The following RBFOX1 variants were observed in gnomAD, a reference collection of about 807,000 sequenced individuals.
RBFOX1 encodes RNA binding protein fox-1 homolog 1.
In RBFOX1, 8 loss-of-function variants were observed where a neutral mutation model predicts 57.7. That is an observed-to-expected ratio of 0.14 (90% CI 0.08 to 0.25). The LOEUF (loss-of-function observed/expected upper bound fraction) is 0.25, where lower values mean the gene tolerates loss of function less well. Among genes scored for constraint, RBFOX1 ranks in the 10% least tolerant of loss-of-function variants. The probability of loss-of-function intolerance (pLI) is 1.00; values close to 1 mark genes in which losing one functional copy is unlikely to be tolerated. For synonymous variants in RBFOX1, 326 were observed against 222.4 expected, an observed-to-expected ratio of 1.47 and a Z score of -4.15; for missense variants, 611 against 548.5, an observed-to-expected ratio of 1.11 and a Z score of -1.14.
At chr16:6,567,533 A>G (rs1267003653) in intron 2 of RBFOX1, among the ~76,000 whole-genome samples, 5 of 152,042 alleles carry the variant, frequency 3.3e-5, no homozygotes, top group East Asian at 1.9e-4. Context: ...TGTCACCTTC[A>G]TAGCACTTAT....
chr16:5,574,497 C>G lies in RBFOX1; in HGVS notation c.259-24405C>G, dbSNP rs112178282. 4.0e-5 allele frequency among the ~76,000 whole-genome samples: 6 copies of G among 151,776 alleles called. No individual in the cohort carries two copies. In the South Asian group the frequency reaches 1.3e-3, roughly 32 times the overall value. On this transcript the variant is annotated intron_variant, in intron 2 of 2. Coordinates refer to the RBFOX1 transcript ENST00000585867. ...GTGGCACAATCTTGGCTCACTGCAA[C>G]CTCCACCTCCCGGGTTCAAGTGATT... is the stretch of plus-strand genomic sequence containing the variant.
At chr16:7,167,031 G>C (rs1022774392) in intron 4 of RBFOX1, among the ~76,000 whole-genome samples, 1 of 108,888 alleles carries the variant, frequency 9.2e-6, no homozygotes, top group Non-Finnish European at 1.7e-5. Flanking sequence ...TGTCGCCCAG[G>C]TTGGAGTGCA....
chr16:6,560,532 G>C (rs1002116765), intron 2 of RBFOX1, among the ~76,000 whole-genome samples: 1 of 152,182 alleles, frequency 6.6e-6, no homozygotes, highest in Admixed American at 6.5e-5. Context: ...AGAAGGGCCA[G>C]AGGGAGTGGA....
At chr16:5,856,276 C>A (rs1401757918) in intron 3 of RBFOX1, among the ~76,000 whole-genome samples, 1 of 27,668 alleles carries the variant, frequency 3.6e-5, no homozygotes. Context: ...TATATATACA[C>A]ATATATATAC....
chr16:6,607,239 A>G (rs1432488108), intron 2 of RBFOX1, among the ~76,000 whole-genome samples: 1 of 152,286 alleles, frequency 6.6e-6, no homozygotes, highest in South Asian at 2.1e-4. Flanking sequence ...TGTGCTTTGA[A>G]CCATCTTGGA....
chr16:6,913,944 A>G (rs1195506378), intron 3 of RBFOX1, among the ~76,000 whole-genome samples: 1 of 152,196 alleles, frequency 6.6e-6, no homozygotes. Flanking sequence ...GAAGGATATT[A>G]TAATTATGGA....
At chr16:7,159,113 C>T (rs1601415867) in intron 4 of RBFOX1, among the ~76,000 whole-genome samples, 5 of 152,170 alleles carry the variant, frequency 3.3e-5, no homozygotes, top group African/African-American at 1.2e-4. Context: ...TGGTATCATA[C>T]AGGATGTAAC....
At chr16:6,875,119 C>T (rs970353015) in intron 3 of RBFOX1, among the ~76,000 whole-genome samples, 3 of 152,102 alleles carry the variant, frequency 2.0e-5, no homozygotes, top group Admixed American at 6.6e-5. Flanking sequence ...GACTGTGTTA[C>T]CCTAAGTTGC....
rs544431893 is a variant in RBFOX1 at position 6,302,028 on chromosome 16, T to A, written c.-126-14967T>A. Reference sequence around the variant, plus strand: ...ACTGCAGGTTTTCAGTTCTTACCACTATATGTTACTGTCCGTCATGACAAG... The same window carrying A: ...ACTGCAGGTTTTCAGTTCTTACCACAATATGTTACTGTCCGTCATGACAAG... On this transcript the variant is annotated intron_variant, in intron 1 of 15. Transcript: ENST00000550418. Among the ~76,000 whole-genome samples, 10 of 152,276 alleles carry A rather than the reference T, an allele frequency of 6.6e-5. No individual in the cohort carries two copies. The East Asian group carries it at 1.4e-3, about 21-fold the overall frequency.
intron 3 of RBFOX1, among the ~76,000 whole-genome samples, chr16:5,676,838 G>A (rs2050183019): frequency 6.6e-6 from 1 of 151,776 alleles, no homozygotes; most frequent in Non-Finnish European, 1.5e-5. Flanking sequence ...TTCCAGCCTG[G>A]GCAACAGAGC....
At chr16:7,368,197 G>T (rs2097497932) in intron 4 of RBFOX1, among the ~76,000 whole-genome samples, 1 of 150,662 alleles carries the variant, frequency 6.6e-6, no homozygotes. Flanking sequence ...AACCCGGGAG[G>T]TGGAGGTTGC....
At chr16:6,575,233 T>C (rs138774791) in intron 2 of RBFOX1, among the ~76,000 whole-genome samples, 2 of 152,172 alleles carry the variant, frequency 1.3e-5, no homozygotes, top group Non-Finnish European at 1.5e-5. Flanking sequence ...ATAACTCTGA[T>C]AAAGATAATT....
At chr16:5,516,730 C>G (rs939870980) in intron 2 of RBFOX1, among the ~76,000 whole-genome samples, 2 of 152,000 alleles carry the variant, frequency 1.3e-5, no homozygotes, top group Non-Finnish European at 2.9e-5. Flanking sequence ...GGTTTTTTTG[C>G]ATGCTGTTCT....
chr16:7,501,025 A>G (rs2070644693), intron 4 of RBFOX1, among the ~76,000 whole-genome samples: 2 of 152,172 alleles, frequency 1.3e-5, no homozygotes, highest in South Asian at 4.2e-4. Flanking sequence ...TTCCCCTTCC[A>G]CCATGATTGT....
chr16:6,811,785 A>C (rs2088671968), intron 3 of RBFOX1, among the ~76,000 whole-genome samples: 3 of 152,170 alleles, frequency 2.0e-5, no homozygotes, highest in Non-Finnish European at 4.4e-5. Flanking sequence ...ACTACTGGGG[A>C]GGCTGAGGCA....
intron 1 of RBFOX1, among the ~76,000 whole-genome samples, chr16:5,350,444 A>G (rs893504786): frequency 6.6e-6 from 1 of 152,110 alleles, no homozygotes; most frequent in South Asian, 2.1e-4. Flanking sequence ...CCCTAGTCAG[A>G]GTGATGGTTA....
chr16:5,412,043 A>G (rs2151465952), intron 1 of RBFOX1, among the ~76,000 whole-genome samples: 1 of 152,192 alleles, frequency 6.6e-6, no homozygotes, highest in Non-Finnish European at 1.5e-5. Flanking sequence ...TTTGAGTACC[A>G]TTTGCCACCA....
chr16:7,073,746 C>A (rs1456873106), intron 4 of RBFOX1, among the ~76,000 whole-genome samples: 1 of 151,964 alleles, frequency 6.6e-6, no homozygotes. Context: ...GCCCTTGGTA[C>A]CAGTTACTCA....
chr16:5,876,759 C>A (rs2057622532), intron 4 of RBFOX1, among the ~76,000 whole-genome samples: 2 of 152,316 alleles, frequency 1.3e-5, no homozygotes, highest in South Asian at 2.1e-4. Flanking sequence ...CGGGCTCATA[C>A]TTCACTCCAG....
Sources: allele counts gnomAD v4.1 joint callset (sites outside exome capture counted in the v4.1 genomes callset), GRCh38; gene constraint gnomAD v4.1.1; transcripts MANE v1.5; gene names NCBI Gene and HGNC (gene_info 2026-07-23, HGNC 2026-07-21).